The following MAGI2 variants were observed in gnomAD, a reference collection of about 807,000 sequenced individuals.
MAGI2 encodes the protein membrane-associated guanylate kinase, WW and PDZ domain-containing protein 2.
Under a neutral mutation model 133.3 loss-of-function variants are expected in MAGI2, and 35 were observed. The ratio of observed to expected loss-of-function variants is 0.26; its 90% CI spans 0.20 to 0.35. The LOEUF (loss-of-function observed/expected upper bound fraction) is 0.35, where lower values mean the gene tolerates loss of function less well. Among genes scored for constraint, MAGI2 ranks in the 10% least tolerant of loss-of-function variants. The pLI is 1.00. For missense variants in MAGI2, 1,636 were observed against 1,863.4 expected (o/e 0.88, Z 2.25); for synonymous variants, 729 against 710.6 (o/e 1.03, Z -0.41).
chr7:78,587,676 A>G (rs1803568928), intron 3 of MAGI2, among the ~76,000 whole-genome samples: 1 of 152,248 alleles, frequency 6.6e-6, no homozygotes, highest in African/African-American at 2.4e-5. Context: ...TTACTGGCTA[A>G]TGTCATGTAT....
chr7:79,166,327 A>G (rs893068503), intron 1 of MAGI2, among the ~76,000 whole-genome samples: 6 of 152,116 alleles, frequency 3.9e-5, no homozygotes, highest in African/African-American at 1.4e-4. Flanking sequence ...AGCTTCAAAG[A>G]AAACTGTCAG....
intron 16 of MAGI2, among the ~76,000 whole-genome samples, chr7:78,151,440 G>T (rs1467374656): frequency 6.6e-6 from 1 of 152,162 alleles, no homozygotes; most frequent in Non-Finnish European, 1.5e-5. Context: ...CGGTTCCAAG[G>T]GTTGGTTCCA....
In MAGI2 at chr7:78,397,865, G is replaced by T. The variant is rs376619796; in HGVS notation, c.1046-28652C>A. 5.3e-5 allele frequency among the ~76,000 whole-genome samples: 8 copies of T among 152,142 alleles called. No individual in the cohort carries two copies. In the South Asian group the frequency reaches 1.5e-3, roughly 28 times the overall value. On this transcript the variant is annotated intron_variant, in intron 6 of 21. Transcript: ENST00000354212. The stretch of plus-strand genomic sequence containing the variant: ...CTAAGAAGCCTTAAAAAAATAAGTA[G>T]AGGGCAACATATTATATTTTTCTGT...
chr7:78,347,670 C>T (rs1791057335), intron 7 of MAGI2, among the ~76,000 whole-genome samples: 1 of 152,212 alleles, frequency 6.6e-6, no homozygotes, highest in South Asian at 2.1e-4. Flanking sequence ...AAAGGCTTTA[C>T]TGGGGAACTT....
intron 3 of MAGI2, among the ~76,000 whole-genome samples, chr7:78,551,333 G>GT (rs1395330580): frequency 6.6e-6 from 1 of 152,244 alleles, no homozygotes; most frequent in East Asian, 1.9e-4. Context: ...AGTTTACACT[G>GT]TTTTTTTGTT....
intron 6 of MAGI2, among the ~76,000 whole-genome samples, chr7:78,395,085 A>G (rs902945952): frequency 4.6e-5 from 7 of 152,218 alleles, no homozygotes; most frequent in African/African-American, 1.7e-4. Flanking sequence ...ATTGAGAAAC[A>G]TTCTTGGCTT....
intron 3 of MAGI2, among the ~76,000 whole-genome samples, chr7:78,566,874 C>G (rs575848802): frequency 1.4e-4 from 21 of 152,170 alleles, no homozygotes; most frequent in Admixed American, 7.9e-4. Context: ...AATTGAAAAA[C>G]TATAGCCTAA....
chr7:79,145,397 T>C (rs913952298), intron 1 of MAGI2, among the ~76,000 whole-genome samples: 10 of 152,240 alleles, frequency 6.6e-5, no homozygotes, highest in African/African-American at 2.4e-4. Context: ...AAAATAATAG[T>C]CTGTTGATTT....
intron 10 of MAGI2, among the ~76,000 whole-genome samples, chr7:78,214,581 T>C (rs1788084770): frequency 6.6e-6 from 1 of 152,250 alleles, no homozygotes. Context: ...ATCTCTACTT[T>C]GGTCTACAAA....
At chr7:79,053,812 G>A (rs1427358165) in intron 1 of MAGI2, among the ~76,000 whole-genome samples, 2 of 152,160 alleles carry the variant, frequency 1.3e-5, no homozygotes, top group South Asian at 2.1e-4. Context: ...TAAAATGTTG[G>A]AAAATAATGA....
chr7:78,598,413 G>A (rs1470102638), intron 3 of MAGI2, among the ~76,000 whole-genome samples: 1 of 151,966 alleles, frequency 6.6e-6, no homozygotes, highest in Non-Finnish European at 1.5e-5. Context: ...CTTGAGTTAT[G>A]AGAGGGCATG....
chr7:78,661,160 T>A (rs1403873823), intron 2 of MAGI2, among the ~76,000 whole-genome samples: 1 of 152,228 alleles, frequency 6.6e-6, no homozygotes, highest in Non-Finnish European at 1.5e-5. Flanking sequence ...TATCATCACA[T>A]TTTTTATAAG....
intron 2 of MAGI2, among the ~76,000 whole-genome samples, chr7:78,946,262 A>G (rs1310762915): frequency 6.6e-6 from 1 of 152,152 alleles, no homozygotes; most frequent in Non-Finnish European, 1.5e-5. Context: ...TAATCATGTA[A>G]AGCAACTAAA....
chr7:78,636,351 C>A (rs1242070874), intron 2 of MAGI2, among the ~76,000 whole-genome samples: 1 of 129,226 alleles, frequency 7.7e-6, no homozygotes, highest in South Asian at 2.5e-4. Context: ...CAAAAACAGG[C>A]TTTTTTTTTT....
At chr7:79,177,629 C>G (rs916662296) in intron 1 of MAGI2, among the ~76,000 whole-genome samples, 8 of 152,032 alleles carry the variant, frequency 5.3e-5, no homozygotes, top group Non-Finnish European at 1.2e-4. Flanking sequence ...AGTCTACATG[C>G]TGTGTAGGGG....
chr7:78,270,333 T>C (rs1476835632), intron 9 of MAGI2, among the ~76,000 whole-genome samples: 1 of 152,184 alleles, frequency 6.6e-6, no homozygotes, highest in East Asian at 1.9e-4. Flanking sequence ...GGGGATAGCA[T>C]TGAGTCTATA....
intron 1 of MAGI2, among the ~76,000 whole-genome samples, chr7:79,290,045 A>C (rs1322364732): frequency 1.3e-5 from 2 of 152,064 alleles, no homozygotes; most frequent in African/African-American, 4.8e-5. Flanking sequence ...GGTAATACAA[A>C]ATCTATATGC....
intron 2 of MAGI2, among the ~76,000 whole-genome samples, chr7:78,664,012 G>A (rs1813267024): frequency 6.6e-6 from 1 of 152,166 alleles, no homozygotes; most frequent in African/African-American, 2.4e-5. Flanking sequence ...TATCAGGGAT[G>A]AGCAGTGCAT....
chr7:79,186,191 AATATATATATATATATAT>A lies in MAGI2; in HGVS notation c.302-179003_302-178986del, dbSNP rs60719172. On this transcript the variant is annotated intron_variant, in intron 1 of 21. Coordinates refer to ENST00000354212, the MANE Select transcript of MAGI2 (RefSeq NM_012301.4). ...GAGGCCAGCCCTATTTGCCTGGGAAAATATATATATATATATATATATATATATATATATATATATATA... is the reference window on the plus strand; with the variant it reads ...GAGGCCAGCCCTATTTGCCTGGGAAAATATATATATATATATATATATATA... 5.9e-3 allele frequency among the ~76,000 whole-genome samples: 662 copies of A among 111,770 alleles called. 8 individuals are homozygous for A. The highest frequency in any genetic ancestry group is 0.022 in the South Asian group (66 of 3,042). The allele number at this position is 111,770 out of a possible 152,430, so 73.3% of individuals were successfully genotyped here.
Sources: allele counts gnomAD v4.1 joint callset (sites outside exome capture counted in the v4.1 genomes callset), GRCh38; gene constraint gnomAD v4.1.1; transcripts MANE v1.5; gene names NCBI Gene and HGNC (gene_info 2026-07-23, HGNC 2026-07-21).